The following OGG1 variants were observed in gnomAD, a reference collection of about 807,000 sequenced individuals.
OGG1 encodes N-glycosylase/DNA lyase.
OGG1 carries 35 observed loss-of-function variants against 42.3 expected under a neutral mutation model. The observed-to-expected ratio is 0.83, with a 90% CI of 0.63 to 1.10. The LOEUF is 1.10. Among genes scored for constraint, OGG1 ranks in the 50% least tolerant of loss-of-function variants. The pLI is 0.00. For missense variants in OGG1, 484 were observed against 446.7 expected, an observed-to-expected ratio of 1.08 and a Z score of -0.75; for synonymous variants, 189 against 179.0, an observed-to-expected ratio of 1.06 and a Z score of -0.44.
At chr3:9,761,188 G>A (rs1441250221), downstream of OGG1, 2 of 412,222 alleles carry the variant, frequency 4.9e-6, no homozygotes, top group Non-Finnish European at 8.8e-6. Flanking sequence ...TTTACTTGTT[G>A]ATTGTCTGTC....
At chr3:9,765,463 GAT>G (rs1193907276) in intron 7 of OGG1, among the ~76,000 whole-genome samples, 1 of 152,146 alleles carries the variant, frequency 6.6e-6, no homozygotes, top group Non-Finnish European at 1.5e-5. Context: ...CACCAACTGA[GAT>G]ATGTGGGTCC....
downstream of OGG1, among the ~76,000 whole-genome samples, chr3:9,788,390 C>T (rs183262356): frequency 3.3e-5 from 5 of 151,890 alleles, no homozygotes; most frequent in African/African-American, 7.2e-5. Context: ...GGACTACAGG[C>T]GCCCGCCACC....
exon 8 of OGG1, chr3:9,766,053 C>G (rs139870756): frequency 7.0e-5 from 111 of 1,594,760 alleles, no homozygotes; most frequent in Non-Finnish European, 8.6e-5. Context: ...GGTCACATGA[C>G]CCAGGCCTGG....
At chr3:9,776,382 T>C (rs2078363786) in intron 2 of OGG1, among the ~76,000 whole-genome samples, 1 of 145,232 alleles carries the variant, frequency 6.9e-6, no homozygotes, top group Admixed American at 7.1e-5. Context: ...TTTTCTTTTT[T>C]CTTTTCTTTT....
At chr3:9,782,384 C>T (rs922790482) in intron 3 of OGG1, among the ~76,000 whole-genome samples, 4 of 152,174 alleles carry the variant, frequency 2.6e-5, no homozygotes, top group Admixed American at 6.5e-5. Flanking sequence ...TGGTAAACAA[C>T]GAAAATAGCT....
intron 3 of OGG1, among the ~76,000 whole-genome samples, chr3:9,784,980 C>T (rs746570100): frequency 6.6e-6 from 1 of 152,174 alleles, no homozygotes; most frequent in Admixed American, 6.5e-5. Flanking sequence ...TAATTTACAT[C>T]TTTTCATGTC....
At chr3:9,776,114 TC>T (rs1353880949) in intron 2 of OGG1, among the ~76,000 whole-genome samples, 9 of 152,184 alleles carry the variant, frequency 5.9e-5, no homozygotes, top group Non-Finnish European at 1.2e-4. Flanking sequence ...AGCCTGGTCT[TC>T]AACCTACTTT....
At position 9,754,763 on chromosome 3, in the gene OGG1, A is replaced by G. The variant is rs766005290; in HGVS notation, c.625A>G (p.Ser209Gly). 6.2e-7 allele frequency: 1 copy of G among 1,614,148 alleles called. No homozygotes were observed. The highest frequency in any genetic ancestry group is 1.7e-5 in the Admixed American group (1 of 60,012). ...LGLGYRARYVSASARAILEEQ... is the reference protein window; with the variant it reads ...LGLGYRARYVGASARAILEEQ... The stretch of plus-strand genomic sequence containing the variant: ...CCTGGGCTATCGTGCCCGTTACGTG[A>G]GTGCCAGTGCCCGAGCCATCCTGGA... The change falls in exon 4 of 7, where the codon AGT becomes GGT. Residue 209 changes from serine to glycine, a missense_variant. By Grantham distance (56) the Ser-to-Gly change is moderately conservative. Coordinates refer to ENST00000344629, the MANE Select transcript of OGG1 (RefSeq NM_002542.6).
chr3:9,786,921 T>C, intron 3 of OGG1: 1 of 1,286,224 alleles, frequency 7.8e-7, no homozygotes, highest in Non-Finnish European at 1.1e-6. Flanking sequence ...ACCTAATAAA[T>C]GTATGATAAA....
chr3:9,753,317 C>T (rs2125539619), intron 3 of OGG1, among the ~76,000 whole-genome samples: 1 of 145,284 alleles, frequency 6.9e-6, no homozygotes, highest in Non-Finnish European at 1.5e-5. Flanking sequence ...GCACTCCAGC[C>T]TGGGCGACAG....
chr3:9,776,669 G>A lies in OGG1; in HGVS notation c.295-4844G>A, dbSNP rs377073300. 1.1e-3 allele frequency among the ~76,000 whole-genome samples: 165 copies of A among 152,298 alleles called. 7 individuals are homozygous for A. In the East Asian group the frequency reaches 0.019, roughly 17 times the overall value. ...CTCCCAAAGTGCTGGGATTACAGGC[G>A]TGAGCCACCGTGCCCGGCCTGCAGT... On this transcript the variant is annotated intron_variant, in intron 2 of 3. Coordinates refer to the OGG1 transcript ENST00000426518.
In OGG1 at chr3:9,751,762, G is replaced by A. The variant is rs957068689; in HGVS notation, c.386-8G>A. 1.5e-5 allele frequency: 24 copies of A among 1,614,014 alleles called. No individual in the cohort carries two copies. Among genetic ancestry groups the A allele is most frequent in the Non-Finnish European group, 1.9e-5 (23 of 1,180,000 alleles). Reference sequence around the variant, plus strand: ...ACCTCTCCTACCCCCTGCATTTCTGGTCTCCAGGTGTGCGACTGCTGCGAC... The same window carrying A: ...ACCTCTCCTACCCCCTGCATTTCTGATCTCCAGGTGTGCGACTGCTGCGAC... On this transcript the variant is annotated splice_region_variant and splice_polypyrimidine_tract_variant and intron_variant, in intron 2 of 6. Transcript: ENST00000344629.
At chr3:9,763,347 T>A in intron 7 of OGG1, 2 of 1,014,294 alleles carry the variant, frequency 2.0e-6, no homozygotes, top group Non-Finnish European at 2.9e-6. Flanking sequence ...CTGTTATGAT[T>A]GCACCTGTGA....
chr3:9,778,713 G>A (rs1301690217), intron 2 of OGG1, among the ~76,000 whole-genome samples: 7 of 152,142 alleles, frequency 4.6e-5, no homozygotes, highest in Admixed American at 6.5e-5. Flanking sequence ...GGAGGGCCTC[G>A]AGTGACCCAG....
chr3:9,771,231 C>T (rs567737662), downstream of OGG1, among the ~76,000 whole-genome samples: 1 of 151,906 alleles, frequency 6.6e-6, no homozygotes, highest in Non-Finnish European at 1.5e-5. Context: ...CACTATATTG[C>T]CCAGGCTGGT....
At chr3:9,759,101 G>C, downstream of OGG1, 2 of 1,128,780 alleles carry the variant, frequency 1.8e-6, no homozygotes, top group Non-Finnish European at 2.7e-6. Flanking sequence ...AGCCCCTCCA[G>C]TCTGGCCAGG....
exon 8 of OGG1, chr3:9,766,433 G>A (rs1003694295): frequency 8.8e-5 from 39 of 443,322 alleles, no homozygotes; most frequent in African/African-American, 7.6e-4. Flanking sequence ...GCATCACCCG[G>A]GAACTTTTTT....
At chr3:9,781,142 G>C (rs1214350755) in intron 2 of OGG1, among the ~76,000 whole-genome samples, 1 of 151,662 alleles carries the variant, frequency 6.6e-6, no homozygotes, top group East Asian at 1.9e-4. Context: ...AAAAAAAAAA[G>C]GTCTTAAAAA....
exon 8 of OGG1, chr3:9,765,811 C>A (rs777431790): frequency 6.2e-7 from 1 of 1,614,098 alleles, no homozygotes; most frequent in Non-Finnish European, 8.5e-7. Flanking sequence ...CCCTCCAGGG[C>A]CTCCTTGGCA....
Sources: gnomAD v4.1 joint callset for allele counts (sites outside exome capture counted in the v4.1 genomes callset) on GRCh38, gnomAD v4.1.1 for gene constraint, MANE v1.5 for transcripts, NCBI Gene and HGNC (gene_info 2026-07-23, HGNC 2026-07-21) for gene names.